Variants in IMMP2L observed in about 807,000 individuals in gnomAD.
IMMP2L encodes inner mitochondrial membrane peptidase subunit 2, also known as mitochondrial inner membrane protease subunit 2.
In IMMP2L, 18 loss-of-function variants were observed where a neutral mutation model predicts 19.3. The observed-to-expected ratio is 0.93, with a 90% confidence interval of 0.64 to 1.38. The LOEUF is 1.38. IMMP2L is among the 40% of genes most tolerant of loss of function. The pLI, the probability that IMMP2L is intolerant of heterozygous loss-of-function variation, is 0.00. For synonymous variants in IMMP2L, 76 were observed against 73.0 expected (o/e 1.04, Z -0.21); for missense variants, 233 against 218.2 (o/e 1.07, Z -0.43).
chr7:111,121,418 T>C (rs1211898047), intron 3 of IMMP2L, among the ~76,000 whole-genome samples: 1 of 152,060 alleles, frequency 6.6e-6, no homozygotes, highest in Non-Finnish European at 1.5e-5. Context: ...GTTTTAGACA[T>C]GGATATGAAC....
intron 3 of IMMP2L, among the ~76,000 whole-genome samples, chr7:111,398,098 T>G (rs570423908): frequency 1.3e-5 from 2 of 152,238 alleles, no homozygotes; most frequent in South Asian, 4.1e-4. Flanking sequence ...ACACGTCAAG[T>G]TTAAACCATA....
intron 3 of IMMP2L, among the ~76,000 whole-genome samples, chr7:111,402,722 CA>C (rs1452881252): frequency 6.6e-6 from 1 of 151,294 alleles, no homozygotes; most frequent in Non-Finnish European, 1.5e-5. Context: ...CAAAACAAAA[CA>C]AAAAAAGCTT....
chr7:111,022,763 G>A (rs768937634), intron 3 of IMMP2L, among the ~76,000 whole-genome samples: 6 of 152,084 alleles, frequency 3.9e-5, no homozygotes, highest in African/African-American at 7.2e-5. Context: ...CAATTGCTCC[G>A]TCACCAATCT....
intron 4 of IMMP2L, among the ~76,000 whole-genome samples, chr7:110,936,112 G>A (rs1264920335): frequency 1.3e-5 from 2 of 152,066 alleles, no homozygotes; most frequent in Non-Finnish European, 2.9e-5. Flanking sequence ...GAAAACCTAG[G>A]CAACACTATT....
At chr7:111,449,925 C>T in intron 3 of IMMP2L, among the ~76,000 whole-genome samples, 1 of 137,502 alleles carries the variant, frequency 7.3e-6, no homozygotes, top group South Asian at 2.2e-4. Flanking sequence ...AACAGACAAA[C>T]AGAGAGCCAA....
chr7:111,135,963 A>G (rs1586508485), intron 3 of IMMP2L, among the ~76,000 whole-genome samples: 2 of 152,206 alleles, frequency 1.3e-5, no homozygotes, highest in East Asian at 1.9e-4. Context: ...AAACCTCCCA[A>G]TGATGTGACT....
At chr7:110,733,131 T>C (rs1796381489) in intron 5 of IMMP2L, among the ~76,000 whole-genome samples, 1 of 152,112 alleles carries the variant, frequency 6.6e-6, no homozygotes, top group South Asian at 2.1e-4. Context: ...TTGCAAAAAA[T>C]AGAGAATCCT....
intron 3 of IMMP2L, among the ~76,000 whole-genome samples, chr7:110,999,793 C>T (rs1823463523): frequency 6.6e-6 from 1 of 152,046 alleles, no homozygotes; most frequent in Non-Finnish European, 1.5e-5. Flanking sequence ...TTGTGGGCTT[C>T]CTCTGCTGCT....
rs1814697138 is a variant in IMMP2L at position 110,924,989 on chromosome 7, T to A, written c.306-38294A>T. Among the ~76,000 whole-genome samples the A allele has an allele frequency of 6.6e-6, 1 of 152,134 alleles. No individual in the cohort carries two copies. Among genetic ancestry groups the A allele is most frequent in the South Asian group, 2.1e-4 (1 of 4,828 alleles). ...TCTAACCATTCATAGTTATGCATGA[T>A]AAGGGAATAAAAAGGAGTATGATGA... On this transcript the variant is annotated intron_variant, in intron 4 of 5. Coordinates refer to ENST00000405709, the MANE Select transcript of IMMP2L (RefSeq NM_032549.4). The surrounding 1 kb of genome is among the most constrained non-coding windows in gnomAD (Gnocchi z 4.2).
chr7:111,322,815 C>G (rs900700109), intron 3 of IMMP2L, among the ~76,000 whole-genome samples: 1 of 151,588 alleles, frequency 6.6e-6, no homozygotes, highest in Non-Finnish European at 1.5e-5. Flanking sequence ...AAAGAAAATC[C>G]ATAGCATTAA....
chr7:110,900,927 T>G lies in IMMP2L; in HGVS notation c.306-14232A>C, dbSNP rs112173279. On this transcript the variant is annotated intron_variant, in intron 4 of 5. Transcript: ENST00000405709. ...TTTGGCCTCATCGCCTCTTGCTCACTCCACTGAAACCACACTGGCCTTTTC... is the reference window on the plus strand; with the variant it reads ...TTTGGCCTCATCGCCTCTTGCTCACGCCACTGAAACCACACTGGCCTTTTC... 5.9e-5 allele frequency among the ~76,000 whole-genome samples: 9 copies of G among 152,136 alleles called. 1 individual carries two copies. Among genetic ancestry groups the G allele is most frequent in the African/African-American group, 1.9e-4 (8 of 41,510 alleles).
At chr7:110,698,636 T>C (rs1794049478) in intron 5 of IMMP2L, among the ~76,000 whole-genome samples, 1 of 152,202 alleles carries the variant, frequency 6.6e-6, no homozygotes, top group Non-Finnish European at 1.5e-5. Flanking sequence ...TAAAAGTTCA[T>C]GCTCCAAGGA....
At chr7:110,838,466 G>A (rs1015720892) in intron 5 of IMMP2L, among the ~76,000 whole-genome samples, 5 of 152,034 alleles carry the variant, frequency 3.3e-5, no homozygotes, top group African/African-American at 1.2e-4. Context: ...ACTGAAAGAT[G>A]GGGGCCTTAA....
At chr7:110,896,924 C>T (rs1374325530) in intron 4 of IMMP2L, among the ~76,000 whole-genome samples, 1 of 151,980 alleles carries the variant, frequency 6.6e-6, no homozygotes, top group Non-Finnish European at 1.5e-5. Flanking sequence ...ATAATTTTCC[C>T]ACCTCAGCCT....
intron 3 of IMMP2L, among the ~76,000 whole-genome samples, chr7:111,190,905 T>G (rs983001282): frequency 6.6e-6 from 1 of 152,100 alleles, no homozygotes; most frequent in Admixed American, 6.6e-5. Context: ...TGCCACAAAT[T>G]TAACAGTCAT....
At chr7:110,737,901 C>T (rs1796742064) in intron 5 of IMMP2L, among the ~76,000 whole-genome samples, 1 of 152,176 alleles carries the variant, frequency 6.6e-6, no homozygotes, top group African/African-American at 2.4e-5. Flanking sequence ...TAGACCCTCG[C>T]TAGTACCAGC....
intron 5 of IMMP2L, among the ~76,000 whole-genome samples, chr7:110,852,255 T>C (rs1047176208): frequency 1.3e-5 from 2 of 151,802 alleles, no homozygotes; most frequent in African/African-American, 4.8e-5. Context: ...TATACACATA[T>C]ATAGCCATAA....
At chr7:111,463,671 C>T (rs1019424641) in intron 3 of IMMP2L, among the ~76,000 whole-genome samples, 22 of 152,136 alleles carry the variant, frequency 1.4e-4, no homozygotes, top group African/African-American at 5.1e-4. Flanking sequence ...CTTTTTCCTT[C>T]TGCCATCAGG....
chr7:111,470,171 T>A (rs1841103825), intron 3 of IMMP2L, among the ~76,000 whole-genome samples: 1 of 151,992 alleles, frequency 6.6e-6, no homozygotes, highest in Non-Finnish European at 1.5e-5. Flanking sequence ...AAAACCACAA[T>A]GAGATACCAT....
Sources: allele counts gnomAD v4.1 joint callset (sites outside exome capture counted in the v4.1 genomes callset), GRCh38; gene constraint gnomAD v4.1.1; non-coding constraint Gnocchi (gnomAD v3.1); transcripts MANE v1.5; gene names NCBI Gene and HGNC (gene_info 2026-07-23, HGNC 2026-07-21).